Variants in PLAAT1 observed in about 807,000 individuals in gnomAD.
PLAAT1 encodes the protein H-REV107 protein-related protein.
In PLAAT1, 13 loss-of-function variants were observed where a neutral mutation model predicts 16.4. The ratio of observed to expected loss-of-function variants is 0.79; its 90% CI spans 0.52 to 1.26. The LOEUF (loss-of-function observed/expected upper bound fraction) is 1.26. Ranked by LOEUF, PLAAT1 falls within the 50% of genes most tolerant of loss-of-function variation. The pLI is 0.00. For synonymous variants in PLAAT1, 73 were observed against 78.4 expected (o/e 0.93, Z 0.36); for missense variants, 218 against 207.8 (o/e 1.05, Z -0.30).
At chr3:193,260,387 G>A (rs1410216775) in intron 2 of PLAAT1, among the ~76,000 whole-genome samples, 1 of 152,056 alleles carries the variant, frequency 6.6e-6, no homozygotes, top group African/African-American at 2.4e-5. Flanking sequence ...CTTCTGCACA[G>A]CAAAAGAAAT....
At chr3:193,241,109 G>A (rs1490980678), upstream of PLAAT1, 8 of 848,690 alleles carry the variant, frequency 9.4e-6, no homozygotes, top group African/African-American at 2.3e-5. Context: ...GCGAGAAGGT[G>A]CAGTTCCCCG....
chr3:193,248,566 C>G (rs1716067800), intron 1 of PLAAT1, among the ~76,000 whole-genome samples: 1 of 151,778 alleles, frequency 6.6e-6, no homozygotes, highest in Admixed American at 6.6e-5. Context: ...TTCTTTTTAT[C>G]TTTTGTGTAT....
chr3:193,241,434 GC>G lies in PLAAT1; in HGVS notation c.-98del, dbSNP rs897420446. The G allele has an allele frequency of 6.7e-5, 83 of 1,231,830 alleles. No homozygotes were observed. The highest frequency in any genetic ancestry group is 6.2e-4 in the Middle Eastern group (2 of 3,208). 76.3% of individuals were successfully genotyped at this position (1,231,830 alleles called of 1,614,324 possible). On this transcript the variant is annotated 5_prime_UTR_variant, in exon 1 of 4. The change creates a premature stop within an existing upstream ORF in the 5' untranslated region. Coordinates refer to ENST00000264735, the MANE Select transcript of PLAAT1 (RefSeq NM_020386.5). ...CGGGTACAGATGGAGTCGTCCCGCG[GC>G]CGCCGGCGGCAAGGTCGGCAGCTGC...
intron 1 of PLAAT1, among the ~76,000 whole-genome samples, chr3:193,253,431 G>A (rs146936014): frequency 4.7e-4 from 71 of 152,226 alleles, no homozygotes; most frequent in Non-Finnish European, 6.9e-4. Context: ...CATAAACCAT[G>A]TACCAATCTC....
chr3:193,240,759 A>G (rs1040055330), upstream of PLAAT1, among the ~76,000 whole-genome samples: 2 of 150,512 alleles, frequency 1.3e-5, no homozygotes, highest in Middle Eastern at 3.4e-3. Context: ...AGGTTGTTTT[A>G]GGGCCAGTCC....
chr3:193,281,167 G>T, downstream of PLAAT1: 1 of 985,212 alleles, frequency 1.0e-6, no homozygotes. Context: ...GGAAATAGCT[G>T]TGTGGATTTT....
chr3:193,280,389 TTCAAAGAGTAATAC>T (rs1363967759), downstream of PLAAT1, among the ~76,000 whole-genome samples: 1 of 152,156 alleles, frequency 6.6e-6, no homozygotes, highest in African/African-American at 2.4e-5. Flanking sequence ...CCACTTCCTC[TTCAAAGAGTAATAC>T]TCCCTTACAA....
chr3:193,260,817 A>G (rs1716557135), intron 2 of PLAAT1, among the ~76,000 whole-genome samples: 1 of 152,230 alleles, frequency 6.6e-6, no homozygotes, highest in African/African-American at 2.4e-5. Flanking sequence ...AAAGAGAACT[A>G]CCATTTGATC....
downstream of PLAAT1, among the ~76,000 whole-genome samples, chr3:193,274,495 C>T (rs529521652): frequency 6.6e-6 from 1 of 152,304 alleles, no homozygotes; most frequent in South Asian, 2.1e-4. Context: ...CACTTCCACA[C>T]AATTCTGGCT....
At chr3:193,279,362 T>C (rs762225580), downstream of PLAAT1, 5 of 1,610,846 alleles carry the variant, frequency 3.1e-6, no homozygotes, top group African/African-American at 1.3e-5. Context: ...TGAATGCCAC[T>C]TACCTCCATT....
At chr3:193,271,734 A>G (rs962264796), downstream of PLAAT1, among the ~76,000 whole-genome samples, 1 of 152,200 alleles carries the variant, frequency 6.6e-6, no homozygotes, top group East Asian at 1.9e-4. Flanking sequence ...TGTTCAAGTT[A>G]ATATTAGGGG....
intron 2 of PLAAT1, among the ~76,000 whole-genome samples, chr3:193,257,056 A>G (rs989181633): frequency 6.6e-6 from 1 of 152,080 alleles, no homozygotes; most frequent in South Asian, 2.1e-4. Flanking sequence ...ATTTTTTTCT[A>G]TGTGCTGTCT....
downstream of PLAAT1, among the ~76,000 whole-genome samples, chr3:193,280,838 T>A (rs1717458308): frequency 6.6e-6 from 1 of 152,110 alleles, no homozygotes; most frequent in South Asian, 2.1e-4. Flanking sequence ...ACAAACTAGG[T>A]TTTCTCTTAC....
At chr3:193,241,208 G>A, upstream of PLAAT1, 1 of 1,223,034 alleles carries the variant, frequency 8.2e-7, no homozygotes, top group Non-Finnish European at 1.0e-6. Flanking sequence ...GGGCGGAGCG[G>A]GCGGCTCCCC....
Position 193,263,100 on chromosome 3 carries a change from C to T in PLAAT1, c.270C>T (p.Tyr90=), listed in dbSNP as rs757066266. The part of the protein sequence containing the change: ...YRINNKYDET[Y]PPLPVEEIIK... ...TAAACAATAAATACGATGAAACGTACCCCCCTCTCCCTGTGGAAGAAATCA... is the reference window on the plus strand; with the variant it reads ...TAAACAATAAATACGATGAAACGTATCCCCCTCTCCCTGTGGAAGAAATCA... The change falls in exon 3 of 4, where the codon TAC becomes TAT. Residue 90 remains tyrosine, a synonymous_variant. Coordinates refer to ENST00000264735, the MANE Select transcript of PLAAT1 (RefSeq NM_020386.5). 1.9e-6 allele frequency: 3 copies of T among 1,614,052 alleles called. No individual in the cohort carries two copies. Among genetic ancestry groups the T allele is most frequent in the Non-Finnish European group, 2.5e-6 (3 of 1,179,968 alleles).
chr3:193,280,011 G>T (rs191807150), downstream of PLAAT1, among the ~76,000 whole-genome samples: 23 of 109,488 alleles, frequency 2.1e-4, no homozygotes, highest in African/African-American at 6.2e-4. Context: ...AAAGCCCTGT[G>T]TACCTGTGTA....
chr3:193,240,778 C>T (rs1386368074), upstream of PLAAT1, among the ~76,000 whole-genome samples: 2 of 151,718 alleles, frequency 1.3e-5, no homozygotes, highest in Non-Finnish European at 2.9e-5. Flanking sequence ...CCTTCCTCCG[C>T]CACTTTGCTG....
Position 193,254,638 on chromosome 3 carries a change from A to G in PLAAT1, c.1-1013A>G, listed in dbSNP as rs556125654. ...AAGTATTGACTTAAAAAAAATTACC[A>G]AACTTAGAATTTCAAACATGTTCAT... On this transcript the variant is annotated intron_variant, in intron 1 of 3. Transcript: ENST00000264735. Among the ~76,000 whole-genome samples, 8 of 152,278 alleles carry G rather than the reference A, an allele frequency of 5.3e-5. No individual in the cohort carries two copies. In the South Asian group the frequency reaches 1.7e-3, roughly 32 times the overall value.
downstream of PLAAT1, among the ~76,000 whole-genome samples, chr3:193,279,852 T>C (rs1717400856): frequency 6.6e-6 from 1 of 151,894 alleles, no homozygotes; most frequent in African/African-American, 2.4e-5. Flanking sequence ...TTCCACAATC[T>C]GGTCCCAATC....
Sources: gnomAD v4.1 joint callset for allele counts (sites outside exome capture counted in the v4.1 genomes callset) on GRCh38, gnomAD v4.1.1 for gene constraint, MANE v1.5 for transcripts, NCBI Gene and HGNC (gene_info 2026-07-23, HGNC 2026-07-21) for gene names.